STK32B: variants seen among roughly 807,000 people sequenced by gnomAD.
STK32B encodes the protein serine/threonine kinase 32B.
A neutral mutation model predicts 52.6 loss-of-function variants in STK32B; 43 were observed. The ratio of observed to expected loss-of-function variants is 0.82; its 90% CI spans 0.64 to 1.05. The LOEUF (loss-of-function observed/expected upper bound fraction) is 1.05, where lower values mean the gene tolerates loss of function less well. Among genes scored for constraint, STK32B ranks in the 50% least tolerant of loss-of-function variants. The probability of loss-of-function intolerance (pLI) is 0.00; values close to 1 mark genes in which losing one functional copy is unlikely to be tolerated. For missense variants in STK32B, 621 were observed against 534.6 expected (o/e 1.16, Z -1.59); for synonymous variants, 238 against 204.3 (o/e 1.17, Z -1.41).
intron 9 of STK32B, among the ~76,000 whole-genome samples, chr4:5,461,054 G>A (rs1716986809): frequency 6.6e-6 from 1 of 152,166 alleles, no homozygotes. Context: ...GCCTCCTGTG[G>A]TCCCTTCCTG....
At chr4:5,032,173 G>GAA in the STK32B span, among the ~76,000 whole-genome samples, 23 of 129,062 alleles carry the variant, frequency 1.8e-4, no homozygotes, top group Non-Finnish European at 2.2e-4. Flanking sequence ...CTCCTAGAAA[G>GAA]AAAAAAAAAA....
At chr4:5,103,365 T>C (rs1713926776) in intron 1 of STK32B, among the ~76,000 whole-genome samples, 1 of 152,180 alleles carries the variant, frequency 6.6e-6, no homozygotes. Flanking sequence ...CCTAATGTTA[T>C]ATAACCCAGA....
intron 10 of STK32B, 100 bp downstream of exon 10, chr4:5,466,934 C>T (rs1717486968): frequency 4.2e-6 from 6 of 1,429,470 alleles, no homozygotes; most frequent in Non-Finnish European, 3.7e-6. Context: ...CATTTCAATC[C>T]TCCCTTCCAA....
chr4:5,426,053 A>G (rs1399804930), intron 6 of STK32B, among the ~76,000 whole-genome samples: 1 of 152,224 alleles, frequency 6.6e-6, no homozygotes, highest in Non-Finnish European at 1.5e-5. Context: ...GAATAAAGCC[A>G]TTATGGACAT....
chr4:5,366,745 T>A (rs1362553430), intron 4 of STK32B, among the ~76,000 whole-genome samples: 1 of 152,224 alleles, frequency 6.6e-6, no homozygotes, highest in Non-Finnish European at 1.5e-5. Flanking sequence ...TTGTTGAGCT[T>A]GATGCCAGAT....
At chr4:5,243,410 A>G (rs1472577581) in intron 3 of STK32B, among the ~76,000 whole-genome samples, 1 of 152,130 alleles carries the variant, frequency 6.6e-6, no homozygotes, top group Admixed American at 6.5e-5. Context: ...AATGCTTGCG[A>G]TTTTTGCACG....
chr4:5,456,770 T>C, intron 7 of STK32B, 37 bp from the exon 8 acceptor site: 2 of 1,511,500 alleles, frequency 1.3e-6, no homozygotes, highest in Non-Finnish European at 1.8e-6. Context: ...TTCCAATGGC[T>C]CTCTCTCTGA....
intron 3 of STK32B, among the ~76,000 whole-genome samples, chr4:5,276,990 G>A (rs1293987094): frequency 6.6e-6 from 1 of 152,200 alleles, no homozygotes; most frequent in African/African-American, 2.4e-5. Context: ...TCCCACTGAA[G>A]ATGAACGCCA....
intron 4 of STK32B, among the ~76,000 whole-genome samples, chr4:5,344,164 A>G (rs746039740): frequency 2.0e-5 from 3 of 152,248 alleles, no homozygotes; most frequent in Non-Finnish European, 2.9e-5. Context: ...TTAAAATCCA[A>G]TTCAGAGTCA....
chr4:5,493,200 A>G (rs1719900255), intron 11 of STK32B, among the ~76,000 whole-genome samples: 1 of 152,060 alleles, frequency 6.6e-6, no homozygotes, highest in South Asian at 2.1e-4. Context: ...CTGTGAATCC[A>G]TCTGGTCCTG....
At chr4:5,427,750 C>T (rs4017774) in intron 6 of STK32B, among the ~76,000 whole-genome samples, 2 of 152,072 alleles carry the variant, frequency 1.3e-5, no homozygotes, top group East Asian at 3.9e-4. Flanking sequence ...GTGATGTCCC[C>T]TCTTTCAGTC....
chr4:5,202,934 G>A (rs1401113006), intron 3 of STK32B, among the ~76,000 whole-genome samples: 1 of 152,162 alleles, frequency 6.6e-6, no homozygotes, highest in African/African-American at 2.4e-5. Context: ...CCTCAGCTTA[G>A]AACACCTCCT....
At position 5,398,099 on chromosome 4, in the gene STK32B, A is replaced by G; in HGVS notation, c.435-108A>G. 1.7e-6 allele frequency: 2 copies of G among 1,188,560 alleles called. No homozygotes were observed. The highest frequency in any genetic ancestry group is 2.4e-6 in the Non-Finnish European group (2 of 826,148). The allele number at this position is 1,188,560 out of a possible 1,614,324, so 73.6% of individuals were successfully genotyped here. A position where few individuals can be genotyped will look rare whatever the true frequency, so the allele number is the denominator to read the frequency against. Reference sequence around the variant, plus strand: ...ATGTCTGAGGCTTCAGGTCAGGGAGAGGTGAGCAGCCTGGGTGTTCCAGCA... The same window carrying G: ...ATGTCTGAGGCTTCAGGTCAGGGAGGGGTGAGCAGCCTGGGTGTTCCAGCA... On this transcript the variant is annotated intron_variant, in intron 4 of 11. Transcript: ENST00000282908. The surrounding 1 kb of genome is among the most constrained non-coding windows in gnomAD (Gnocchi z 4.9).
chr4:5,045,551 A>G, the STK32B span, among the ~76,000 whole-genome samples: 1 of 152,150 alleles, frequency 6.6e-6, no homozygotes, highest in African/African-American at 2.4e-5. Context: ...ATGATGATGG[A>G]AGGTTTTTCC....
At chr4:5,430,038 G>A (rs1307600299) in intron 6 of STK32B, among the ~76,000 whole-genome samples, 6 of 152,022 alleles carry the variant, frequency 3.9e-5, no homozygotes, top group African/African-American at 1.2e-4. Flanking sequence ...TAGATATGAT[G>A]TACCAAGGCA....
At chr4:5,048,296 A>AT (rs934389483), upstream of STK32B, among the ~76,000 whole-genome samples, 17,293 of 111,836 alleles carry the variant, frequency 0.15, 1,697 homozygotes, top group Middle Eastern at 0.19. Flanking sequence ...TGCCTGGCTA[A>AT]TTTTTTTTTT....
In STK32B at chr4:5,399,108, T is replaced by C. The variant is rs1577445267; in HGVS notation, c.472+864T>C. ...AATGCTCAGTGGACTTGACAATCAA[T>C]TGTGGCTGATGCCAACAGGAGACTT... On this transcript the variant is annotated intron_variant, in intron 5 of 11. Transcript: ENST00000282908. The surrounding 1 kb of genome is among the most constrained non-coding windows in gnomAD (Gnocchi z 5.4). 6.6e-6 allele frequency among the ~76,000 whole-genome samples: 1 copy of C among 152,212 alleles called. No homozygotes were observed. The highest frequency in any genetic ancestry group is 1.5e-5 in the Non-Finnish European group (1 of 68,026).
chr4:5,185,881 C>T (rs1465612866), intron 3 of STK32B, among the ~76,000 whole-genome samples: 3 of 152,298 alleles, frequency 2.0e-5, no homozygotes, highest in Non-Finnish European at 4.4e-5. Flanking sequence ...GACACCCACC[C>T]CTACTACCAT....
At chr4:5,329,182 T>G (rs893818248) in intron 3 of STK32B, among the ~76,000 whole-genome samples, 18 of 152,100 alleles carry the variant, frequency 1.2e-4, no homozygotes, top group African/African-American at 4.1e-4. Flanking sequence ...GACAGCATCT[T>G]CAGCCCTGCA....
Sources: allele counts gnomAD v4.1 joint callset (sites outside exome capture counted in the v4.1 genomes callset), GRCh38; gene constraint gnomAD v4.1.1; non-coding constraint Gnocchi (gnomAD v3.1); transcripts MANE v1.5; gene names NCBI Gene and HGNC (gene_info 2026-07-23, HGNC 2026-07-21).